Variants in PARP4 observed in about 807,000 individuals in gnomAD.
PARP4 encodes the protein poly(ADP-ribose) polymerase family member 4, also known as protein mono-ADP-ribosyltransferase PARP4.
Under a neutral mutation model 187.7 loss-of-function variants are expected in PARP4, and 120 were observed. The observed-to-expected ratio is 0.64, with a 90% confidence interval of 0.55 to 0.74. The LOEUF (loss-of-function observed/expected upper bound fraction) is 0.74. PARP4 is among the 30% of genes least tolerant of loss of function. PARP4 has a pLI of 0.00. For missense variants in PARP4, 1,836 were observed against 2,070.5 expected (o/e 0.89, Z 2.20); for synonymous variants, 654 against 740.9 (o/e 0.88, Z 1.90).
intron 20 of PARP4, among the ~76,000 whole-genome samples, chr13:24,458,028 G>A (rs1223583501): frequency 2.0e-5 from 3 of 151,978 alleles, no homozygotes; most frequent in Admixed American, 6.6e-5. Context: ...CTAGCACTTC[G>A]GGAAGCCAGA....
At chr13:24,501,386 T>C (rs1478706812) in intron 3 of PARP4, among the ~76,000 whole-genome samples, 1 of 152,230 alleles carries the variant, frequency 6.6e-6, no homozygotes, top group Non-Finnish European at 1.5e-5. Context: ...ACAATCAGGT[T>C]TTCTGAGATG....
chr13:24,511,612 T>C (rs1192457058), intron 1 of PARP4, among the ~76,000 whole-genome samples: 1 of 152,194 alleles, frequency 6.6e-6, no homozygotes, highest in Non-Finnish European at 1.5e-5. Flanking sequence ...CAGGTCTTCG[T>C]CTTTACCACT....
intron 1 of PARP4, among the ~76,000 whole-genome samples, chr13:24,506,706 G>C (rs759916344): frequency 1.3e-5 from 2 of 152,210 alleles, no homozygotes; most frequent in African/African-American, 2.4e-5. Flanking sequence ...CCCTTAGCTA[G>C]ACATAAAGTT....
chr13:24,496,977 C>T (rs9581081), intron 6 of PARP4, among the ~76,000 whole-genome samples: 14,905 of 151,866 alleles, frequency 0.098, 806 homozygotes, highest in Non-Finnish European at 0.12. Context: ...GAGCCGAGAT[C>T]GCACCACTGC....
At chr13:24,465,996 C>G (rs530376745) in intron 17 of PARP4, among the ~76,000 whole-genome samples, 28 of 152,172 alleles carry the variant, frequency 1.8e-4, no homozygotes, top group Non-Finnish European at 3.7e-4. Flanking sequence ...GTAGTAAACC[C>G]TAAAGCAGTG....
chr13:24,470,012 T>C lies in PARP4; in HGVS notation c.1928A>G (p.Gln643Arg). ...CACGTGACTTTTATTTGTGTATGTCTGAAAAACAATGACCTGAAGAAGAAA... is the reference window on the plus strand; with the variant it reads ...CACGTGACTTTTATTTGTGTATGTCCGAAAAACAATGACCTGAAGAAGAAA... ...IDTVAQVIVFQTYTNKSHVPI... is the reference protein window; with the variant it reads ...IDTVAQVIVFRTYTNKSHVPI... The change falls in exon 16 of 34, where the codon CAG becomes CGG. Residue 643 changes from glutamine (Q) to arginine (R), a missense_variant. Transcript: ENST00000381989. 1 of 1,612,766 alleles carries C rather than the reference T, an allele frequency of 6.2e-7. No individual in the cohort carries two copies. Among genetic ancestry groups the C allele is most frequent in the Non-Finnish European group, 8.5e-7 (1 of 1,179,306 alleles).
chr13:24,430,691 T>A (rs1226304779), intron 32 of PARP4, among the ~76,000 whole-genome samples: 1 of 152,098 alleles, frequency 6.6e-6, no homozygotes, highest in African/African-American at 2.4e-5. Context: ...GTCCTAGGGC[T>A]AGCATTTGAC....
At chr13:24,499,205 A>T (rs1168169037) in intron 5 of PARP4, 96 bp downstream of exon 5, 3 of 1,354,802 alleles carry the variant, frequency 2.2e-6, no homozygotes, top group Non-Finnish European at 1.9e-6. Context: ...AATTTTTCAA[A>T]ACAATGAGAA....
intron 30 of PARP4, among the ~76,000 whole-genome samples, chr13:24,439,977 C>A (rs1428168931): frequency 6.6e-6 from 1 of 152,220 alleles, no homozygotes; most frequent in Non-Finnish European, 1.5e-5. Flanking sequence ...GCCTACGGGG[C>A]CACCTGAGCC....
intron 30 of PARP4, among the ~76,000 whole-genome samples, chr13:24,439,318 C>A (rs1331250273): frequency 1.4e-5 from 1 of 73,030 alleles, no homozygotes; most frequent in African/African-American, 5.0e-5. Flanking sequence ...CAGAGTAAGA[C>A]CCTGTCTCAA....
At chr13:24,497,308 AATG>A (rs1186231007) in intron 6 of PARP4, among the ~76,000 whole-genome samples, 1 of 152,082 alleles carries the variant, frequency 6.6e-6, no homozygotes, top group Non-Finnish European at 1.5e-5. Context: ...AGTGGATTGT[AATG>A]ATGAGTGTTA....
Position 24,434,283 on chromosome 13 carries a change from T to TCC in PARP4, c.4746+110_4746+111dup. 3.0e-6 allele frequency: 3 copies of TCC among 984,256 alleles called. 1 individual carries two copies. The highest frequency in any genetic ancestry group is 4.9e-5 in the East Asian group (2 of 40,468). 61.0% of individuals were successfully genotyped at this position (984,256 alleles called of 1,614,324 possible). A position where few individuals can be genotyped will look rare whatever the true frequency, so the allele number is the denominator to read the frequency against. On this transcript the variant is annotated intron_variant, in intron 31 of 33. Coordinates refer to ENST00000381989, the MANE Select transcript of PARP4 (RefSeq NM_006437.4). ...GATTTATACCCAGTGTACAACCCCT[T>TCC]CCTTCACTACAGACTGATGATAGAC...
At chr13:24,493,059 AATTGACCAT>A (rs1374187685) in intron 8 of PARP4, among the ~76,000 whole-genome samples, 1 of 152,218 alleles carries the variant, frequency 6.6e-6, no homozygotes, top group African/African-American at 2.4e-5. Context: ...CACAGAGGAA[AATTGACCAT>A]ATTATTTCAA....
chr13:24,493,614 G>A lies in PARP4; in HGVS notation c.861C>T (p.Asn287=). The A allele has an allele frequency of 2.5e-6, 4 of 1,612,164 alleles. No homozygotes were observed. The highest frequency in any genetic ancestry group is 1.1e-5 in the South Asian group (1 of 90,838). Residue 287 remains asparagine, a synonymous_variant, in exon 8 of 34, where the codon AAC becomes AAT. Transcript: ENST00000381989. Reference sequence around the variant, plus strand: ...AACTTACATCGTTGAGGCTAATCCTGTTCACTGGCTTGAGAAGCATGTGTT... The same window carrying A: ...AACTTACATCGTTGAGGCTAATCCTATTCACTGGCTTGAGAAGCATGTGTT... The part of the protein sequence containing the change: ...HLEHMLLKPV[N]RISLNDVSKA...
At chr13:24,471,037 C>G (rs901473756) in intron 15 of PARP4, among the ~76,000 whole-genome samples, 1 of 152,164 alleles carries the variant, frequency 6.6e-6, no homozygotes, top group South Asian at 2.1e-4. Context: ...AGTTTCTCAG[C>G]GATCTGGGCT....
At chr13:24,484,464 T>C (rs1873446440) in intron 12 of PARP4, among the ~76,000 whole-genome samples, 189 bp downstream of exon 12, 2 of 152,258 alleles carry the variant, frequency 1.3e-5, no homozygotes, top group East Asian at 1.9e-4. Flanking sequence ...CGAGCCACCA[T>C]GTCTGGCATA....
At chr13:24,505,157 G>C (rs965000744) in intron 1 of PARP4, among the ~76,000 whole-genome samples, 2 of 147,256 alleles carry the variant, frequency 1.4e-5, no homozygotes, top group Non-Finnish European at 3.0e-5. Context: ...CACACACACA[G>C]AGGAGAAAGA....
intron 6 of PARP4, among the ~76,000 whole-genome samples, chr13:24,496,974 G>T (rs1166965248): frequency 2.0e-5 from 3 of 152,084 alleles, no homozygotes; most frequent in African/African-American, 7.3e-5. Context: ...AGTGAGCCGA[G>T]ATCGCACCAC....
intron 21 of PARP4, among the ~76,000 whole-genome samples, 196 bp from the exon 22 acceptor site, chr13:24,455,408 C>A (rs1871770239): frequency 6.7e-6 from 1 of 149,836 alleles, no homozygotes; most frequent in African/African-American, 2.4e-5. Flanking sequence ...GAGTTTCCAA[C>A]TTCTGACATA....
Sources: allele counts gnomAD v4.1 joint callset (sites outside exome capture counted in the v4.1 genomes callset), GRCh38; gene constraint gnomAD v4.1.1; transcripts MANE v1.5; gene names NCBI Gene and HGNC (gene_info 2026-07-23, HGNC 2026-07-21).